The following SAMD5 variants were observed in gnomAD, a reference collection of about 807,000 sequenced individuals.
SAMD5 encodes sterile alpha motif domain-containing protein 5.
In SAMD5, 13 loss-of-function variants were observed where a neutral mutation model predicts 11.3. The observed-to-expected ratio is 1.15, with a 90% confidence interval of 0.75 to 1.83. SAMD5 has a LOEUF of 1.83. SAMD5 is among the 40% of genes most tolerant of loss of function. SAMD5 has a pLI of 0.00. For missense variants in SAMD5, 255 were observed against 239.1 expected (o/e 1.07, Z -0.44); for synonymous variants, 129 against 111.3 (o/e 1.16, Z -1.00).
chr6:147,781,363 T>C, the SAMD5 span, among the ~76,000 whole-genome samples: 1 of 152,140 alleles, frequency 6.6e-6, no homozygotes, highest in East Asian at 1.9e-4. Context: ...CACTATATGT[T>C]TTCCAGGTTG....
At chr6:147,883,334 G>T in the SAMD5 span, among the ~76,000 whole-genome samples, 1 of 152,138 alleles carries the variant, frequency 6.6e-6, no homozygotes, top group Non-Finnish European at 1.5e-5. Flanking sequence ...TTTCAGAGTT[G>T]CCCCTTGGAG....
At chr6:147,824,951 T>C in the SAMD5 span, among the ~76,000 whole-genome samples, 1 of 152,154 alleles carries the variant, frequency 6.6e-6, no homozygotes, top group African/African-American at 2.4e-5. Context: ...TGAACTTTTA[T>C]GGGACTAGTA....
At chr6:147,833,609 CTTG>C in the SAMD5 span, among the ~76,000 whole-genome samples, 1 of 152,104 alleles carries the variant, frequency 6.6e-6, no homozygotes, top group East Asian at 1.9e-4. Flanking sequence ...ACTGTAAAAC[CTTG>C]TTGTGGTTCC....
At chr6:147,538,326 A>T (rs1788545835) in intron 1 of SAMD5, among the ~76,000 whole-genome samples, 1 of 152,184 alleles carries the variant, frequency 6.6e-6, no homozygotes, top group African/African-American at 2.4e-5. Flanking sequence ...TTACTCTTTT[A>T]GGTTAAGACA....
chr6:147,653,500 G>T (rs530004707), intron 1 of SAMD5, among the ~76,000 whole-genome samples: 1 of 152,302 alleles, frequency 6.6e-6, no homozygotes, highest in South Asian at 2.1e-4. Flanking sequence ...CTTTATATAT[G>T]CTTTGTGCAG....
chr6:147,678,447 T>C (rs943253337), intron 1 of SAMD5, among the ~76,000 whole-genome samples: 5 of 152,218 alleles, frequency 3.3e-5, no homozygotes, highest in African/African-American at 9.6e-5. Flanking sequence ...TTTTTTCAGC[T>C]TGGCAGATTA....
the SAMD5 span, among the ~76,000 whole-genome samples, chr6:147,894,342 T>C: frequency 2.0e-5 from 3 of 152,148 alleles, no homozygotes; most frequent in Non-Finnish European, 4.4e-5. Flanking sequence ...CAGGATGGTT[T>C]CCATCTCCTG....
At chr6:147,530,784 A>G (rs1253599576) in intron 1 of SAMD5, among the ~76,000 whole-genome samples, 1 of 152,054 alleles carries the variant, frequency 6.6e-6, no homozygotes, top group Non-Finnish European at 1.5e-5. Context: ...CCAAACACAG[A>G]GAGAAAAAGC....
At chr6:147,849,391 A>G in the SAMD5 span, among the ~76,000 whole-genome samples, 1 of 152,078 alleles carries the variant, frequency 6.6e-6, no homozygotes, top group African/African-American at 2.4e-5. Flanking sequence ...TTGTTTCAGT[A>G]TACTAGTAGA....
intron 1 of SAMD5, among the ~76,000 whole-genome samples, chr6:147,661,306 A>C (rs955211333): frequency 6.6e-6 from 1 of 152,236 alleles, no homozygotes; most frequent in Non-Finnish European, 1.5e-5. Flanking sequence ...TGCTTTTCAC[A>C]TGGAAGTAAA....
intron 1 of SAMD5, among the ~76,000 whole-genome samples, chr6:147,582,590 C>T (rs1789315550): frequency 6.6e-6 from 1 of 152,196 alleles, no homozygotes; most frequent in Admixed American, 6.5e-5. Flanking sequence ...TGTCCAGTCT[C>T]ATCTGCAGAA....
At chr6:147,764,456 A>G in the SAMD5 span, among the ~76,000 whole-genome samples, 1 of 152,194 alleles carries the variant, frequency 6.6e-6, no homozygotes, top group African/African-American at 2.4e-5. Context: ...TATTTCCAAC[A>G]GATGTTATTT....
rs192321659 is a variant in SAMD5, at chr6:147,632,815, A to G, written c.163-104502A>G. Among the ~76,000 whole-genome samples, 5 of 152,360 alleles carry G rather than the reference A, an allele frequency of 3.3e-5. No homozygotes were observed. The East Asian group carries it at 5.8e-4, about 18-fold the overall frequency. The stretch of plus-strand genomic sequence containing the variant: ...GGCAGTTGTTAGATTAGTACTACTT[A>G]TAACTTAAATTTTAACAGGCTATTA... On this transcript the variant is annotated intron_variant, in intron 1 of 1. Coordinates refer to the SAMD5 transcript ENST00000566741.
intron 1 of SAMD5, among the ~76,000 whole-genome samples, chr6:147,611,502 G>A (rs899621141): frequency 3.2e-4 from 49 of 152,040 alleles, no homozygotes; most frequent in African/African-American, 1.2e-3. Flanking sequence ...TGCGGAGGTT[G>A]CAGTGAGCCG....
chr6:147,681,269 G>A (rs73011958), intron 1 of SAMD5, among the ~76,000 whole-genome samples: 17,494 of 152,100 alleles, frequency 0.12, 1,109 homozygotes, highest in Middle Eastern at 0.16. Context: ...GATAGTTCCT[G>A]TTGCTACGTC....
chr6:147,747,609 C>T, the SAMD5 span, among the ~76,000 whole-genome samples: 1 of 152,168 alleles, frequency 6.6e-6, no homozygotes, highest in African/African-American at 2.4e-5. Flanking sequence ...CTCCCTGGCT[C>T]AAGCAATCTT....
chr6:147,718,397 T>C, intron 1 of SAMD5, among the ~76,000 whole-genome samples: 1 of 152,166 alleles, frequency 6.6e-6, no homozygotes, highest in East Asian at 1.9e-4. Flanking sequence ...TTTTCTAGTT[T>C]GCTGAACTAG....
At chr6:147,699,990 C>T (rs1196631499) in intron 1 of SAMD5, among the ~76,000 whole-genome samples, 1 of 152,190 alleles carries the variant, frequency 6.6e-6, no homozygotes, top group Non-Finnish European at 1.5e-5. Context: ...ATAACCAGCC[C>T]TTCCAAGTTC....
At chr6:147,684,842 A>C (rs1790986969) in intron 1 of SAMD5, among the ~76,000 whole-genome samples, 2 of 152,190 alleles carry the variant, frequency 1.3e-5, no homozygotes, top group African/African-American at 4.8e-5. Context: ...GGGTCCTTTA[A>C]AATTTTTTGT....
Sources: gnomAD v4.1 joint callset for allele counts (sites outside exome capture counted in the v4.1 genomes callset) on GRCh38, gnomAD v4.1.1 for gene constraint, MANE v1.5 for transcripts, NCBI Gene and HGNC (gene_info 2026-07-23, HGNC 2026-07-21) for gene names.